Variants in RSU1 observed in about 807,000 individuals in gnomAD.
The protein encoded by RSU1 is rsu-1.
RSU1 carries 26 observed loss-of-function variants against 31.1 expected under a neutral mutation model. The observed-to-expected ratio is 0.84, with a 90% CI of 0.61 to 1.16. The LOEUF (loss-of-function observed/expected upper bound fraction) is 1.16, where lower values mean the gene tolerates loss of function less well. Among genes scored for constraint, RSU1 ranks in the 50% most tolerant of loss-of-function variants. The pLI, the probability that RSU1 is intolerant of heterozygous loss-of-function variation, is 0.00. For synonymous variants in RSU1, 164 were observed against 136.3 expected (o/e 1.20, Z -1.41); for missense variants, 320 against 339.1 (o/e 0.94, Z 0.44).
At chr10:16,722,843 T>C (rs145352255) in intron 7 of RSU1, among the ~76,000 whole-genome samples, 18,138 of 106,554 alleles carry the variant, frequency 0.17, 3,059 homozygotes, top group African/African-American at 0.45. Context: ...CATATATGTA[T>C]ATATACACAC....
At chr10:16,702,493 C>G (rs2131572211) in intron 7 of RSU1, among the ~76,000 whole-genome samples, 1 of 152,308 alleles carries the variant, frequency 6.6e-6, no homozygotes, top group African/African-American at 2.4e-5. Flanking sequence ...AAGGCCATCT[C>G]TTGAATTAGA....
chr10:16,646,759 A>G (rs1387202659), intron 8 of RSU1, among the ~76,000 whole-genome samples: 1 of 152,226 alleles, frequency 6.6e-6, no homozygotes. Context: ...ATATTAAAAT[A>G]TGTGAGTAAG....
intron 8 of RSU1, among the ~76,000 whole-genome samples, chr10:16,645,639 C>G (rs1028463048): frequency 4.0e-5 from 6 of 151,542 alleles, no homozygotes; most frequent in African/African-American, 1.5e-4. Flanking sequence ...AAAACCTCAT[C>G]TCTACTAAAA....
chr10:16,710,183 C>T (rs1165829197), intron 7 of RSU1, among the ~76,000 whole-genome samples: 1 of 152,136 alleles, frequency 6.6e-6, no homozygotes, highest in Non-Finnish European at 1.5e-5. Context: ...AAGGTACATA[C>T]CTTCCATAAC....
At chr10:16,725,070 G>A (rs1836358501) in intron 7 of RSU1, among the ~76,000 whole-genome samples, 1 of 152,212 alleles carries the variant, frequency 6.6e-6, no homozygotes, top group Admixed American at 6.5e-5. Context: ...CTCCAGTGGT[G>A]TTCTATTTCT....
chr10:16,723,805 G>A (rs1377817068), intron 7 of RSU1, among the ~76,000 whole-genome samples: 1 of 151,980 alleles, frequency 6.6e-6, no homozygotes, highest in African/African-American at 2.4e-5. Context: ...TGACTGAGAT[G>A]GCCCCAAAAG....
At chr10:16,609,575 G>A (rs1302741016) in intron 8 of RSU1, among the ~76,000 whole-genome samples, 1 of 152,182 alleles carries the variant, frequency 6.6e-6, no homozygotes, top group Non-Finnish European at 1.5e-5. Context: ...GCACCTCCCG[G>A]GCCCCGTACG....
intron 3 of RSU1, 106 bp downstream of exon 3, chr10:16,781,928 A>G (rs767794118): frequency 5.3e-6 from 5 of 946,540 alleles, no homozygotes; most frequent in Non-Finnish European, 8.2e-6. Flanking sequence ...GTTTCTGCAA[A>G]TAATCATTCT....
chr10:16,767,021 C>CT (rs1376636538), intron 3 of RSU1, among the ~76,000 whole-genome samples: 2 of 129,926 alleles, frequency 1.5e-5, no homozygotes, highest in African/African-American at 7.4e-5. Flanking sequence ...AACTCTATGT[C>CT]CAAAAAAAAA....
chr10:16,593,093 C>T lies in RSU1; in HGVS notation c.*301G>A, dbSNP rs1277010577. 6 of 257,516 alleles carry T rather than the reference C, an allele frequency of 2.3e-5. No individual in the cohort carries two copies. Among genetic ancestry groups the T allele is most frequent in the Non-Finnish European group, 3.7e-5 (5 of 136,456 alleles). 16.0% of individuals were successfully genotyped at this position (257,516 alleles called of 1,614,324 possible). ...AATTATTCTTTTGATAATAAGCAAC[C>T]TTGTGATATCTATTCAAGAAAAGCC... On this transcript the variant is annotated 3_prime_UTR_variant, in exon 9 of 9. Transcript: ENST00000345264.
intron 8 of RSU1, among the ~76,000 whole-genome samples, chr10:16,646,439 T>A (rs1024751672): frequency 6.6e-6 from 1 of 152,190 alleles, no homozygotes; most frequent in Non-Finnish European, 1.5e-5. Flanking sequence ...TGTTTACAGA[T>A]GAACCATCAC....
intron 8 of RSU1, among the ~76,000 whole-genome samples, chr10:16,596,670 C>CA (rs929843083): frequency 2.6e-4 from 40 of 151,772 alleles, no homozygotes; most frequent in African/African-American, 8.7e-4. Context: ...CCGCACAGAG[C>CA]AAAAAAATAC....
chr10:16,699,231 T>G (rs1835739026), intron 7 of RSU1, among the ~76,000 whole-genome samples: 1 of 152,204 alleles, frequency 6.6e-6, no homozygotes, highest in African/African-American at 2.4e-5. Flanking sequence ...TTGTTTTGTT[T>G]TTCAACTTAA....
At chr10:16,767,602 AT>A (rs1008613357) in intron 3 of RSU1, among the ~76,000 whole-genome samples, 16 of 151,586 alleles carry the variant, frequency 1.1e-4, no homozygotes, top group East Asian at 3.9e-4. Flanking sequence ...AATATACGGA[AT>A]TTTTTTTTAA....
chr10:16,803,536 T>C lies in RSU1; in HGVS notation c.109+13437A>G, dbSNP rs556499309. Reference sequence around the variant, plus strand: ...GAAAGGCAGAACAGCCAATGCAATATTGAAGAAAATACAGTTGGAGCACTG... The same window carrying C: ...GAAAGGCAGAACAGCCAATGCAATACTGAAGAAAATACAGTTGGAGCACTG... On this transcript the variant is annotated intron_variant, in intron 2 of 8. Transcript: ENST00000345264. Among the ~76,000 whole-genome samples, 4 of 152,256 alleles carry C rather than the reference T, an allele frequency of 2.6e-5. No homozygotes were observed. In the South Asian group the frequency reaches 8.3e-4, roughly 32 times the overall value.
At chr10:16,790,808 G>A (rs1023229171) in intron 2 of RSU1, among the ~76,000 whole-genome samples, 1 of 152,090 alleles carries the variant, frequency 6.6e-6, no homozygotes, top group Admixed American at 6.5e-5. Flanking sequence ...CTCCCTATTT[G>A]TTCTCTCTTT....
intron 7 of RSU1, among the ~76,000 whole-genome samples, chr10:16,728,487 T>C (rs1013802984): frequency 2.0e-5 from 3 of 152,274 alleles, no homozygotes; most frequent in African/African-American, 4.8e-5. Flanking sequence ...AGATGACACA[T>C]AGGCCCATCA....
At chr10:16,737,160 C>T (rs577432040) in intron 7 of RSU1, among the ~76,000 whole-genome samples, 2 of 151,398 alleles carry the variant, frequency 1.3e-5, no homozygotes, top group East Asian at 3.9e-4. Context: ...GATGGGAAAT[C>T]AATCAATCAA....
chr10:16,683,366 T>A (rs1835373129), intron 8 of RSU1, among the ~76,000 whole-genome samples: 1 of 152,162 alleles, frequency 6.6e-6, no homozygotes, highest in Non-Finnish European at 1.5e-5. Flanking sequence ...TTCATTCTAT[T>A]GTGTTTGTAT....
Sources: gnomAD v4.1 joint callset for allele counts (sites outside exome capture counted in the v4.1 genomes callset) on GRCh38, gnomAD v4.1.1 for gene constraint, MANE v1.5 for transcripts, NCBI Gene and HGNC (gene_info 2026-07-23, HGNC 2026-07-21) for gene names.